The following ABCC1 variants were observed in gnomAD, a reference collection of about 807,000 sequenced individuals.
ABCC1 encodes ATP binding cassette subfamily C member 1 (ABCC1 blood group), also known as multidrug resistance-associated protein 1.
ABCC1 carries 83 observed loss-of-function variants against 172.9 expected under a neutral mutation model. The ratio of observed to expected loss-of-function variants is 0.48; its 90% CI spans 0.40 to 0.58. ABCC1 has a LOEUF of 0.58. ABCC1 is among the 20% of genes least tolerant of loss of function. The probability of loss-of-function intolerance (pLI) is 0.00; values close to 1 mark genes in which losing one functional copy is unlikely to be tolerated. For synonymous variants in ABCC1, 937 were observed against 825.2 expected (o/e 1.14, Z -2.32); for missense variants, 1,817 against 2,002.7 (o/e 0.91, Z 1.77).
intron 19 of ABCC1, chr16:16,094,340 G>T: frequency 3.9e-6 from 1 of 258,570 alleles, no homozygotes; most frequent in South Asian, 4.7e-5. Flanking sequence ...TGCTCTTTTT[G>T]GGCCGCCGAC....
At chr16:16,121,759 A>G (rs1263516383) in intron 23 of ABCC1, among the ~76,000 whole-genome samples, 1 of 152,188 alleles carries the variant, frequency 6.6e-6, no homozygotes, top group African/African-American at 2.4e-5. Flanking sequence ...TGGGCTTTGT[A>G]TAAGCGTGAG....
At chr16:16,065,993 A>G (rs2050101344) in intron 12 of ABCC1, among the ~76,000 whole-genome samples, 1 of 152,058 alleles carries the variant, frequency 6.6e-6, no homozygotes, top group African/African-American at 2.4e-5. Flanking sequence ...TGTATAAATG[A>G]TAATGACAAT....
At chr16:16,137,282 C>T (rs960347530) in intron 29 of ABCC1, among the ~76,000 whole-genome samples, 3 of 152,104 alleles carry the variant, frequency 2.0e-5, no homozygotes, top group African/African-American at 4.8e-5. Flanking sequence ...TGGCTGATCT[C>T]GGGGTCAGCT....
intron 5 of ABCC1, among the ~76,000 whole-genome samples, chr16:16,027,528 A>G (rs547752728): frequency 2.0e-5 from 3 of 152,182 alleles, no homozygotes; most frequent in Non-Finnish European, 4.4e-5. Flanking sequence ...AAAATGGTAT[A>G]TAGGTTGGGC....
intron 1 of ABCC1, among the ~76,000 whole-genome samples, chr16:15,973,028 C>G (rs2046404264): frequency 1.3e-5 from 2 of 151,962 alleles, no homozygotes; most frequent in South Asian, 4.1e-4. Flanking sequence ...CTTGTGAGTT[C>G]AAGTCGTCTG....
At chr16:15,953,323 T>C (rs1299158895) in intron 1 of ABCC1, among the ~76,000 whole-genome samples, 2 of 151,912 alleles carry the variant, frequency 1.3e-5, no homozygotes, top group East Asian at 3.9e-4. Flanking sequence ...ACAGAGAGAC[T>C]GTCTCAAAAG....
At chr16:16,105,709 CTTTTCTTTTTT>C (rs2052055769) in intron 20 of ABCC1, among the ~76,000 whole-genome samples, 1 of 135,306 alleles carries the variant, frequency 7.4e-6, no homozygotes, top group Non-Finnish European at 1.6e-5. Flanking sequence ...CTTTTCTTTT[CTTTTCTTTTTT>C]TTTTTTTTTT....
intron 1 of ABCC1, among the ~76,000 whole-genome samples, chr16:15,958,314 C>A (rs1214244132): frequency 6.6e-6 from 1 of 151,914 alleles, no homozygotes; most frequent in Non-Finnish European, 1.5e-5. Context: ...CCATATTGGC[C>A]AGGCTGGTCT....
intron 15 of ABCC1, among the ~76,000 whole-genome samples, chr16:16,077,045 C>G (rs1315852936): frequency 6.6e-6 from 1 of 152,166 alleles, no homozygotes; most frequent in Non-Finnish European, 1.5e-5. Flanking sequence ...ACCCCACACC[C>G]TACAGTCCTT....
chr16:16,063,495 T>C (rs2049995470), intron 12 of ABCC1, among the ~76,000 whole-genome samples: 1 of 152,168 alleles, frequency 6.6e-6, no homozygotes, highest in African/African-American at 2.4e-5. Context: ...GGTAAATGAA[T>C]AAATACATGA....
intron 30 of ABCC1, among the ~76,000 whole-genome samples, chr16:16,138,834 C>T (rs1218293806): frequency 6.6e-6 from 1 of 151,810 alleles, no homozygotes; most frequent in Non-Finnish European, 1.5e-5. Context: ...CTCAGACTCC[C>T]GAATAGCTGG....
intron 22 of ABCC1, 22 bp from the exon 23 acceptor site, chr16:16,114,744 T>C: frequency 6.4e-7 from 1 of 1,566,574 alleles, no homozygotes; most frequent in Middle Eastern, 1.7e-4. Flanking sequence ...CATTGTGGAG[T>C]TTTAACTCCG....
At chr16:16,092,697 G>C (rs1275327471) in intron 19 of ABCC1, among the ~76,000 whole-genome samples, 1 of 152,170 alleles carries the variant, frequency 6.6e-6, no homozygotes, top group Non-Finnish European at 1.5e-5. Flanking sequence ...GGTTTTAAAG[G>C]AAAAGTTGGT....
At position 16,138,415 on chromosome 16, in the gene ABCC1, G is replaced by A. The variant is rs36115566; in HGVS notation, c.4344G>A (p.Thr1448=). ...TAGCCCGGGCCCTGCTGAGGAAGAC[G>A]AAGATCCTTGTGTTGGATGAGGCCA... ...VCLARALLRK[T]KILVLDEATA... The change falls in exon 30 of 31, where the codon ACG becomes ACA. Residue 1448 remains threonine (T), a synonymous_variant. Transcript: ENST00000399410. 375 of 1,610,276 alleles carry A rather than the reference G, an allele frequency of 2.3e-4. 1 individual carries two copies. In the African/African-American group the frequency reaches 4.2e-3, roughly 18 times the overall value.
At chr16:16,069,581 A>G (rs760509207) in intron 13 of ABCC1, among the ~76,000 whole-genome samples, 1 of 152,096 alleles carries the variant, frequency 6.6e-6, no homozygotes, top group Non-Finnish European at 1.5e-5. Context: ...TTTTAACTAC[A>G]TAGGCAAATC....
rs56098532 is a variant in ABCC1, at chr16:16,069,169, AAAATAAAT to A, written c.1824+905_1824+912del. ...AAAAAAAATAAAATAAAATAAAATAAAAATAAATAAATAAATAAATAAATAAATAAATA... is the reference window on the plus strand; with the variant it reads ...AAAAAAAATAAAATAAAATAAAATAAAAATAAATAAATAAATAAATAAATA... On this transcript the variant is annotated intron_variant, in intron 13 of 30. Transcript: ENST00000399410. Among the ~76,000 whole-genome samples the A allele has an allele frequency of 4.8e-3, 519 of 107,526 alleles. 1 individual carries two copies. The highest frequency in any genetic ancestry group is 0.032 in the Middle Eastern group (7 of 218). The allele number at this position is 107,526 out of a possible 152,430, so 70.5% of individuals were successfully genotyped here.
At chr16:16,012,310 C>T (rs1017688354) in intron 3 of ABCC1, among the ~76,000 whole-genome samples, 5 of 152,124 alleles carry the variant, frequency 3.3e-5, no homozygotes, top group Non-Finnish European at 7.3e-5. Flanking sequence ...ACCTGCTTTA[C>T]GCCTGGCTCT....
At position 16,044,437 on chromosome 16, in the gene ABCC1, CCTT is replaced by C. The variant is rs1597164370; in HGVS notation, c.810-12_810-10del. ...GGCAGACCCCACAACGGCTTCACCT[CCTT>C]GTGTTCCAGGCAGCCGGTGAAGGTT... is the stretch of plus-strand genomic sequence containing the variant. On this transcript the variant is annotated splice_polypyrimidine_tract_variant and intron_variant, in intron 7 of 30. Transcript: ENST00000399410. 4 of 1,611,380 alleles carry C rather than the reference CCTT, an allele frequency of 2.5e-6. No individual in the cohort carries two copies.
At chr16:16,108,443 G>GT (rs35193854) in intron 21 of ABCC1, among the ~76,000 whole-genome samples, 34,795 of 151,232 alleles carry the variant, frequency 0.23, 4,097 homozygotes, top group South Asian at 0.32. Flanking sequence ...GCTAATTTTT[G>GT]TATTTTCGGT....
Sources: allele counts gnomAD v4.1 joint callset (sites outside exome capture counted in the v4.1 genomes callset), GRCh38; gene constraint gnomAD v4.1.1; transcripts MANE v1.5; gene names NCBI Gene and HGNC (gene_info 2026-07-23, HGNC 2026-07-21).